The following RGS14 variants were observed in gnomAD, a reference collection of about 807,000 sequenced individuals.
RGS14 encodes regulator of G-protein signaling 14.
In RGS14, 33 loss-of-function variants were observed where a neutral mutation model predicts 63.8. That is an observed-to-expected ratio of 0.52 (90% CI 0.39 to 0.69). RGS14 has a LOEUF of 0.69. Among genes scored for constraint, RGS14 ranks in the 30% least tolerant of loss-of-function variants. The pLI is 0.00. For synonymous variants in RGS14, 296 were observed against 320.9 expected (o/e 0.92, Z 0.83); for missense variants, 739 against 742.9 (o/e 0.99, Z 0.06).
At chr5:177,363,349 C>T (rs1389194139) in intron 1 of RGS14, among the ~76,000 whole-genome samples, 2 of 152,012 alleles carry the variant, frequency 1.3e-5, no homozygotes, top group African/African-American at 4.8e-5. Context: ...GCGCTGGGCC[C>T]GACGCCCCGC....
At position 177,372,369 on chromosome 5, in the gene RGS14, G is replaced by A. The variant is rs1265753425; in HGVS notation, c.*294G>A. The A allele has an allele frequency of 5.2e-6, 2 of 383,336 alleles. No individual in the cohort carries two copies. Among genetic ancestry groups the A allele is most frequent in the African/African-American group, 2.1e-5 (1 of 48,612 alleles). 23.7% of individuals were successfully genotyped at this position (383,336 alleles called of 1,614,324 possible). On this transcript the variant is annotated 3_prime_UTR_variant, in exon 15 of 15. Coordinates refer to ENST00000408923, the MANE Select transcript of RGS14 (RefSeq NM_006480.5). ...TTGCCCAACATGGAGGGATGGCGTT[G>A]GCAGTGCCAGCCTCCCCAGCCTGTG...
At chr5:177,369,842 A>G (rs1762197269) in intron 9 of RGS14, among the ~76,000 whole-genome samples, 1 of 152,210 alleles carries the variant, frequency 6.6e-6, no homozygotes, top group Admixed American at 6.5e-5. Flanking sequence ...ATGGGCTTTC[A>G]TACATGCTAA....
rs377271741 is a variant in RGS14 at position 177,366,810 on chromosome 5, G to A, written c.339+10G>A. ...CAGCGATACCCAGCAGGTGGGGGAA[G>A]GGGGAGCTGGGGCCGAGGGCTGGGG... On this transcript the variant is annotated intron_variant, in intron 4 of 14. Transcript: ENST00000408923. The A allele has an allele frequency of 2.0e-4, 322 of 1,614,120 alleles. 1 individual carries two copies. The South Asian group carries it at 2.5e-3, about 13-fold the overall frequency.
intron 8 of RGS14, 148 bp downstream of exon 8, chr5:177,368,414 G>A (rs1010390013): frequency 1.2e-6 from 1 of 863,100 alleles, no homozygotes; most frequent in South Asian, 1.8e-5. Context: ...CTCCTTACTT[G>A]TCTCACTACA....
rs1762247139 is a variant in RGS14, at chr5:177,371,080, CGGGGCCGGGGCCG to C, written c.1254+53_1254+65del. The stretch of plus-strand genomic sequence containing the variant: ...GGGCGGGGCGGGGCCGGGCCGGGGC[CGGGGCCGGGGCCG>C]GGGCCGGGGCCGGGGCCGGGGCCGG... On this transcript the variant is annotated intron_variant, in intron 11 of 14. Coordinates refer to ENST00000408923, the MANE Select transcript of RGS14 (RefSeq NM_006480.5). This position sits in a 1 kb window ranked among gnomAD's most constrained non-coding sequence, Gnocchi z 6.1. 3.1e-5 allele frequency: 7 copies of C among 225,326 alleles called. No homozygotes were observed. The highest frequency in any genetic ancestry group is 3.1e-4 in the Admixed American group (1 of 3,274). The allele number at this position is 225,326 out of a possible 1,614,324, so 14.0% of individuals were successfully genotyped here. A position where few individuals can be genotyped will look rare whatever the true frequency, so the allele number is the denominator to read the frequency against.
Position 177,371,098 on chromosome 5 carries a change from CGGGGCCGGGGCCG to C in RGS14, c.1255-63_1255-51del, listed in dbSNP as rs1762251716. ...CCGGGGCCGGGGCCGGGGCCGGGGC[CGGGGCCGGGGCCG>C]GGGCCGGGGCCGGGCGGAGGCCTGT... is the stretch of plus-strand genomic sequence containing the variant. On this transcript the variant is annotated intron_variant, in intron 11 of 14. Transcript: ENST00000408923. The surrounding 1 kb of genome is among the most constrained non-coding windows in gnomAD (Gnocchi z 6.1). The C allele has an allele frequency of 1.2e-6, 1 of 842,090 alleles. No individual in the cohort carries two copies. Among genetic ancestry groups the C allele is most frequent in the African/African-American group, 2.8e-5 (1 of 36,060 alleles). The allele number at this position is 842,090 out of a possible 1,614,324, so 52.2% of individuals were successfully genotyped here.
chr5:177,366,933 A>C lies in RGS14; in HGVS notation c.382A>C (p.Ser128Arg). The change falls in exon 5 of 15, where the codon AGC becomes CGC. Residue 128 changes from serine (S) to arginine (R), a missense_variant. By Grantham distance (110) the Ser-to-Arg change is moderately radical. Coordinates refer to ENST00000408923, the MANE Select transcript of RGS14 (RefSeq NM_006480.5). ...CAACATCTACCAGGAGTTCCTGTCC[A>C]GCCAGGCGCTGAGCCCAGTGAACAT... The part of the protein sequence containing the change: ...ARNIYQEFLS[S>R]QALSPVNIDR... 2 of 1,613,956 alleles carry C rather than the reference A, an allele frequency of 1.2e-6. No homozygotes were observed. Among genetic ancestry groups the C allele is most frequent in the Non-Finnish European group, 1.7e-6 (2 of 1,179,916 alleles).
rs148882197 is a variant in RGS14, at chr5:177,358,295, C to T, written c.45+226C>T. Among the ~76,000 whole-genome samples the T allele has an allele frequency of 3.4e-3, 513 of 152,290 alleles. 4 individuals carry two copies. The highest frequency in any genetic ancestry group is 9.5e-3 in the African/African-American group (395 of 41,558). On this transcript the variant is annotated intron_variant, in intron 1 of 14. Transcript: ENST00000408923. This position sits in a 1 kb window ranked among gnomAD's most constrained non-coding sequence, Gnocchi z 4.8. ...TACAACCCTGGCAGTGAGGCCAGAG[C>T]GGGCACAGGCTTCTGGTCCAGCCCC...
At chr5:177,368,079 C>T (rs145102731) in intron 7 of RGS14, 78 bp from the exon 8 acceptor site, 1 of 1,558,356 alleles carries the variant, frequency 6.4e-7, no homozygotes, top group Non-Finnish European at 8.7e-7. Flanking sequence ...AAACAAGGCC[C>T]ACCAGTGGGG....
At position 177,371,012 on chromosome 5, in the gene RGS14, T is replaced by G; in HGVS notation, c.1235T>G (p.Leu412Arg). ...CTGGAGAAGCACGGCTTGAGCCCGC[T>G]AGAGGTGGTGCTGCACCGGGTGAGC... ...PILEKHGLSP[L>R]EVVLHRPGEK... The change falls in exon 11 of 15, where the codon CTA (leucine) becomes CGA (arginine). Residue 412 changes from leucine to arginine, a missense_variant. Coordinates refer to ENST00000408923, the MANE Select transcript of RGS14 (RefSeq NM_006480.5). This position sits in a 1 kb window ranked among gnomAD's most constrained non-coding sequence, Gnocchi z 6.1. 6.3e-7 allele frequency: 1 copy of G among 1,590,306 alleles called. No homozygotes were observed. The highest frequency in any genetic ancestry group is 8.5e-7 in the Non-Finnish European group (1 of 1,174,822).
chr5:177,361,403 G>A (rs1761962863), intron 1 of RGS14, among the ~76,000 whole-genome samples: 1 of 152,092 alleles, frequency 6.6e-6, no homozygotes, highest in African/African-American at 2.4e-5. Flanking sequence ...AGTTCAAGAG[G>A]AGCCCCTGAG....
In RGS14 at chr5:177,364,138, G is replaced by C. The variant is rs1208723496; in HGVS notation, c.46-1825G>C. On this transcript the variant is annotated intron_variant, in intron 1 of 14. Transcript: ENST00000408923. The surrounding 1 kb of genome is among the most constrained non-coding windows in gnomAD (Gnocchi z 4.6). ...CCTGTGACCTGAATACTCTCAGGGT[G>C]GGAGTAGGAAACAGAGAGGAAGGTT... Among the ~76,000 whole-genome samples, 1 of 152,138 alleles carries C rather than the reference G, an allele frequency of 6.6e-6. No homozygotes were observed. The highest frequency in any genetic ancestry group is 1.9e-4 in the East Asian group (1 of 5,202).
chr5:177,360,204 C>T (rs988507495), intron 1 of RGS14, among the ~76,000 whole-genome samples: 6 of 152,164 alleles, frequency 3.9e-5, no homozygotes, highest in African/African-American at 1.4e-4. Context: ...GGTGCTGCCA[C>T]TGCCCCTATC....
chr5:177,360,184 G>A (rs1761930487), intron 1 of RGS14, among the ~76,000 whole-genome samples: 1 of 151,982 alleles, frequency 6.6e-6, no homozygotes, highest in East Asian at 1.9e-4. Flanking sequence ...CCCCTCCTTA[G>A]TGCCTGCTTG....
intron 10 of RGS14, 57 bp downstream of exon 10, chr5:177,370,721 G>C: frequency 6.3e-7 from 1 of 1,591,348 alleles, no homozygotes; most frequent in East Asian, 2.2e-5. Flanking sequence ...TTCAGGCCCT[G>C]TTCTAGCTAC....
rs1183095837 is a variant in RGS14 at position 177,372,014 on chromosome 5, C to A, written c.1640C>A (p.Thr547Asn). The A allele has an allele frequency of 6.2e-7, 1 of 1,614,162 alleles. No homozygotes were observed. The highest frequency in any genetic ancestry group is 8.5e-7 in the Non-Finnish European group (1 of 1,180,014). The stretch of plus-strand genomic sequence containing the variant: ...AGCTCCGAGGAGACCCCACCACAGA[C>A]CAAATCAGCAGCCCAGCCCATCGGG... ...GPSSEETPPQ[T>N]KSAAQPIGGS... The change falls in exon 15 of 15, where the codon ACC (threonine) becomes AAC (asparagine). Residue 547 changes from threonine to asparagine, a missense_variant. Thr to Asn is a moderately conservative substitution (Grantham distance 65, BLOSUM62 0). Coordinates refer to ENST00000408923, the MANE Select transcript of RGS14 (RefSeq NM_006480.5).
chr5:177,365,666 C>G (rs1429892844), intron 1 of RGS14, among the ~76,000 whole-genome samples: 1 of 152,224 alleles, frequency 6.6e-6, no homozygotes, highest in Non-Finnish European at 1.5e-5. Flanking sequence ...GTGGCAGAGA[C>G]TAAAGTCTGT....
In RGS14 at chr5:177,358,193, G is replaced by A; in HGVS notation, c.45+124G>A. ...GGCTGCCAGCAGGCGAGAGAAGTTG[G>A]GTACAGACAGCAGCAGGTGGTAGGA... On this transcript the variant is annotated intron_variant, in intron 1 of 14. Transcript: ENST00000408923. This position sits in a 1 kb window ranked among gnomAD's most constrained non-coding sequence, Gnocchi z 4.8. 1.3e-6 allele frequency: 1 copy of A among 768,166 alleles called. No homozygotes were observed. The highest frequency in any genetic ancestry group is 4.4e-5 in the South Asian group (1 of 22,678). The allele number at this position is 768,166 out of a possible 1,614,324, so 47.6% of individuals were successfully genotyped here. A position where few individuals can be genotyped will look rare whatever the true frequency, so the allele number is the denominator to read the frequency against.
At chr5:177,367,164 C>T (rs1762118772) in intron 5 of RGS14, 130 bp downstream of exon 5, 2 of 1,290,990 alleles carry the variant, frequency 1.5e-6, no homozygotes, top group Admixed American at 2.5e-5. Context: ...AGCCAAATGC[C>T]GGGGCAGGCA....
Sources: allele counts gnomAD v4.1 joint callset (sites outside exome capture counted in the v4.1 genomes callset), GRCh38; gene constraint gnomAD v4.1.1; non-coding constraint Gnocchi (gnomAD v3.1); transcripts MANE v1.5; gene names NCBI Gene and HGNC (gene_info 2026-07-23, HGNC 2026-07-21).